The following HSD17B12 variants were observed in gnomAD, a reference collection of about 807,000 sequenced individuals.
HSD17B12 encodes the protein hydroxysteroid 17-beta dehydrogenase 12.
HSD17B12 carries 32 observed loss-of-function variants against 39.3 expected under a neutral mutation model. That is an observed-to-expected ratio of 0.81 (90% CI 0.61 to 1.09). The LOEUF (loss-of-function observed/expected upper bound fraction) is 1.09, where lower values mean the gene tolerates loss of function less well. HSD17B12 is among the 50% of genes least tolerant of loss of function. The pLI is 0.00. For synonymous variants in HSD17B12, 150 were observed against 146.7 expected (o/e 1.02, Z -0.16); for missense variants, 342 against 382.9 (o/e 0.89, Z 0.89).
the HSD17B12 span, among the ~76,000 whole-genome samples, chr11:43,662,682 A>G: frequency 6.6e-6 from 1 of 152,186 alleles, no homozygotes; most frequent in South Asian, 2.1e-4. Flanking sequence ...ACATTCCCAG[A>G]GGAATATCAT....
chr11:43,586,510 G>A, the HSD17B12 span, among the ~76,000 whole-genome samples: 2 of 152,106 alleles, frequency 1.3e-5, no homozygotes, highest in Non-Finnish European at 2.9e-5. Context: ...TTGTCCTGTG[G>A]GGCTTGACTG....
chr11:43,749,375 C>T (rs181156047), intron 1 of HSD17B12, among the ~76,000 whole-genome samples: 367 of 152,190 alleles, frequency 2.4e-3, no homozygotes, highest in Non-Finnish European at 4.0e-3. Context: ...ATAGTGATTA[C>T]ATATTGGATG....
At chr11:43,720,451 C>A (rs1950166308) in intron 1 of HSD17B12, among the ~76,000 whole-genome samples, 1 of 152,212 alleles carries the variant, frequency 6.6e-6, no homozygotes, top group Non-Finnish European at 1.5e-5. Flanking sequence ...ACATGAGGCA[C>A]TCTCTCTCCT....
chr11:43,619,255 TATA>T, the HSD17B12 span, among the ~76,000 whole-genome samples: 1 of 130,222 alleles, frequency 7.7e-6, no homozygotes, highest in Admixed American at 8.0e-5. Flanking sequence ...AATATATATA[TATA>T]TTTTATATAT....
At chr11:43,809,180 A>G (rs1019898614) in intron 4 of HSD17B12, among the ~76,000 whole-genome samples, 6 of 152,254 alleles carry the variant, frequency 3.9e-5, no homozygotes, top group Non-Finnish European at 7.3e-5. Context: ...ATAAATGACC[A>G]TACAACAATA....
chr11:43,614,887 T>C, the HSD17B12 span, among the ~76,000 whole-genome samples: 2 of 152,194 alleles, frequency 1.3e-5, no homozygotes, highest in Non-Finnish European at 2.9e-5. Flanking sequence ...TCTTTAGTTC[T>C]TGACATCTTT....
chr11:43,739,795 G>A (rs753817973), intron 1 of HSD17B12, among the ~76,000 whole-genome samples: 20 of 152,202 alleles, frequency 1.3e-4, no homozygotes, highest in Non-Finnish European at 2.5e-4. Context: ...ATGTTACCTT[G>A]GAGGAACTGT....
intron 4 of HSD17B12, among the ~76,000 whole-genome samples, chr11:43,810,746 G>A (rs10400340): frequency 0.11 from 17,392 of 152,064 alleles, 1,166 homozygotes; most frequent in Middle Eastern, 0.18. Flanking sequence ...GATGGTGGTG[G>A]GAATTCCATG....
chr11:43,601,500 CTTTT>C, the HSD17B12 span, among the ~76,000 whole-genome samples: 63,100 of 141,438 alleles, frequency 0.45, 14,218 homozygotes, highest in East Asian at 0.78. Flanking sequence ...AGTTAAAGAG[CTTTT>C]TTTTTTTTTT....
the HSD17B12 span, among the ~76,000 whole-genome samples, chr11:43,629,948 A>T: frequency 1.3e-5 from 2 of 152,196 alleles, no homozygotes; most frequent in Non-Finnish European, 2.9e-5. Flanking sequence ...ACAAAGTGCA[A>T]ATGTTGATAC....
the HSD17B12 span, among the ~76,000 whole-genome samples, chr11:43,630,424 TTCTGTTTAC>T: frequency 6.6e-6 from 1 of 152,212 alleles, no homozygotes; most frequent in Non-Finnish European, 1.5e-5. Flanking sequence ...CCCTTTTGTT[TTCTGTTTAC>T]TCAGATTAAT....
intron 1 of HSD17B12, among the ~76,000 whole-genome samples, chr11:43,745,069 C>G (rs991132428): frequency 6.6e-6 from 1 of 152,130 alleles, no homozygotes. Context: ...ACCTCTTTGC[C>G]GGAAGGGAGG....
intron 1 of HSD17B12, among the ~76,000 whole-genome samples, chr11:43,712,727 G>T (rs571464395): frequency 6.6e-6 from 1 of 152,060 alleles, no homozygotes; most frequent in Non-Finnish European, 1.5e-5. Flanking sequence ...CGTCCTTAAC[G>T]TTGGCAAAAT....
At chr11:43,723,924 C>A (rs1315103338) in intron 1 of HSD17B12, 1 of 151,772 alleles carries the variant, frequency 6.6e-6, no homozygotes, top group Non-Finnish European at 1.5e-5. Context: ...CTCTTCTTTT[C>A]CTTTTGATTT....
intron 3 of HSD17B12, among the ~76,000 whole-genome samples, chr11:43,779,820 GC>G (rs1225997089): frequency 1.3e-5 from 2 of 152,154 alleles, no homozygotes; most frequent in Non-Finnish European, 2.9e-5. Flanking sequence ...ATGCATTACC[GC>G]TTTCACATTG....
Position 43,742,112 on chromosome 11 carries a change from A to AATATAT in HSD17B12, c.161-8776_161-8771dup, listed in dbSNP as rs1168038073. ...AGACATATAGCTTTAAGGCAAAGGA[A>AATATAT]ATATATATATATATATATATATATA... On this transcript the variant is annotated intron_variant, in intron 1 of 10. Transcript: ENST00000278353. Among the ~76,000 whole-genome samples, 74 of 93,122 alleles carry AATATAT rather than the reference A, an allele frequency of 7.9e-4. 1 individual carries two copies. The highest frequency in any genetic ancestry group is 1.5e-3 in the African/African-American group (36 of 23,506). 61.1% of individuals were successfully genotyped at this position (93,122 alleles called of 152,430 possible).
the HSD17B12 span, among the ~76,000 whole-genome samples, chr11:43,572,954 A>G: frequency 6.6e-6 from 1 of 151,950 alleles, no homozygotes; most frequent in Non-Finnish European, 1.5e-5. Flanking sequence ...ACCTACTGGC[A>G]TTTTTCGTGG....
intron 4 of HSD17B12, among the ~76,000 whole-genome samples, chr11:43,809,638 G>C (rs1024137391): frequency 6.6e-6 from 1 of 152,062 alleles, no homozygotes; most frequent in Non-Finnish European, 1.5e-5. Flanking sequence ...GACCAACATG[G>C]AGAAACCCCG....
At chr11:43,715,296 C>T (rs1950110670) in intron 1 of HSD17B12, among the ~76,000 whole-genome samples, 1 of 151,970 alleles carries the variant, frequency 6.6e-6, no homozygotes, top group African/African-American at 2.4e-5. Context: ...TGAGATACGT[C>T]CCATCAATAC....
Sources: allele counts gnomAD v4.1 joint callset (sites outside exome capture counted in the v4.1 genomes callset), GRCh38; gene constraint gnomAD v4.1.1; transcripts MANE v1.5; gene names NCBI Gene and HGNC (gene_info 2026-07-23, HGNC 2026-07-21).